CCDC171: variants seen among roughly 807,000 people sequenced by gnomAD.
CCDC171 encodes the protein coiled-coil domain-containing protein 171.
Under a neutral mutation model 168.2 loss-of-function variants are expected in CCDC171, and 177 were observed. That is an observed-to-expected ratio of 1.05 (90% CI 0.93 to 1.19). CCDC171 has a LOEUF of 1.19. Among genes scored for constraint, CCDC171 ranks in the 50% most tolerant of loss-of-function variants. The pLI, the probability that CCDC171 is intolerant of heterozygous loss-of-function variation, is 0.00. For missense variants in CCDC171, 1,991 were observed against 1,539.0 expected, an observed-to-expected ratio of 1.29 and a Z score of -4.91; for synonymous variants, 687 against 540.8, an observed-to-expected ratio of 1.27 and a Z score of -3.75.
At chr9:15,738,658 C>T (rs951712385) in intron 16 of CCDC171, among the ~76,000 whole-genome samples, 8 of 151,824 alleles carry the variant, frequency 5.3e-5, no homozygotes, top group South Asian at 2.1e-4. Flanking sequence ...ATAGCTGTTT[C>T]CACCCTTACA....
At chr9:15,811,070 G>A (rs2059335167) in intron 21 of CCDC171, among the ~76,000 whole-genome samples, 1 of 152,202 alleles carries the variant, frequency 6.6e-6, no homozygotes, top group Non-Finnish European at 1.5e-5. Flanking sequence ...GTACAGTGCT[G>A]GTCGAGAGGA....
chr9:15,707,733 T>G (rs944908168), intron 11 of CCDC171, among the ~76,000 whole-genome samples: 1 of 152,268 alleles, frequency 6.6e-6, no homozygotes, highest in African/African-American at 2.4e-5. Context: ...ATGACGGAAC[T>G]GAAACAATTC....
chr9:15,973,642 A>C lies in CCDC171; in HGVS notation c.*1806A>C, dbSNP rs1831531533. 6.6e-6 allele frequency: 1 copy of C among 152,148 alleles called. No individual in the cohort carries two copies. Among genetic ancestry groups the C allele is most frequent in the South Asian group, 2.1e-4 (1 of 4,824 alleles). The allele number at this position is 152,148 out of a possible 1,614,324, so 9.4% of individuals were successfully genotyped here. A position where few individuals can be genotyped will look rare whatever the true frequency, so the allele number is the denominator to read the frequency against. On this transcript the variant is annotated 3_prime_UTR_variant, in exon 26 of 26. Transcript: ENST00000380701. ...GACCTGTGTAACATGACCTGTATGA[A>C]ATTCAACTTGCAAATTTATTATAAC... is the stretch of plus-strand genomic sequence containing the variant.
chr9:15,627,831 G>A (rs180911296), intron 7 of CCDC171, among the ~76,000 whole-genome samples: 14 of 152,252 alleles, frequency 9.2e-5, no homozygotes, highest in Non-Finnish European at 1.9e-4. Context: ...ATGTCTATTA[G>A]GTCTGCTTGG....
chr9:15,812,143 G>A (rs574296872), intron 21 of CCDC171, among the ~76,000 whole-genome samples: 1 of 152,218 alleles, frequency 6.6e-6, no homozygotes, highest in Non-Finnish European at 1.5e-5. Context: ...TAAAAGGGAC[G>A]AGAGAGAGTC....
Position 15,744,354 on chromosome 9 carries a change from T to C in CCDC171, c.2131T>C (p.Ser711Pro). 1 of 1,614,024 alleles carries C rather than the reference T, an allele frequency of 6.2e-7. No individual in the cohort carries two copies. The highest frequency in any genetic ancestry group is 8.5e-7 in the Non-Finnish European group (1 of 1,179,966). Reference protein sequence around the residue: ...KSHEQLVLENSHFKKLLSQTQ... With the variant: ...KSHEQLVLENPHFKKLLSQTQ... ...ACATGAACAGTTGGTTCTTGAAAAT[T>C]CGCACTTCAAAAAACTGTTATCACA... Residue 711 changes from serine to proline, a missense_variant, in exon 17 of 26, where the codon TCG becomes CCG. By Grantham distance (74) the Ser-to-Pro change is moderately conservative. Coordinates refer to ENST00000380701, the MANE Select transcript of CCDC171 (RefSeq NM_173550.4).
At chr9:15,883,926 A>G (rs1819041299) in intron 24 of CCDC171, among the ~76,000 whole-genome samples, 2 of 152,248 alleles carry the variant, frequency 1.3e-5, no homozygotes. Context: ...AGGTTGAAGC[A>G]GTTATGCAAC....
chr9:15,619,545 A>T (rs1282293666), intron 6 of CCDC171, among the ~76,000 whole-genome samples: 1 of 152,188 alleles, frequency 6.6e-6, no homozygotes, highest in East Asian at 1.9e-4. Context: ...AGGAATTTGG[A>T]GAAGAAAAGT....
intron 18 of CCDC171, among the ~76,000 whole-genome samples, chr9:15,776,628 A>G (rs1324473588): frequency 6.6e-6 from 1 of 152,212 alleles, no homozygotes; most frequent in African/African-American, 2.4e-5. Flanking sequence ...ATGAAGCTCA[A>G]ATTTTATAAC....
intron 21 of CCDC171, among the ~76,000 whole-genome samples, chr9:15,810,118 G>A (rs1190096064): frequency 6.6e-6 from 1 of 150,840 alleles, no homozygotes; most frequent in African/African-American, 2.4e-5. Flanking sequence ...TACAATCCCT[G>A]AACTAGACAC....
chr9:15,992,824 T>C (rs904143002), intron 3 of CCDC171, among the ~76,000 whole-genome samples: 2 of 152,184 alleles, frequency 1.3e-5, no homozygotes, highest in Non-Finnish European at 2.9e-5. Flanking sequence ...AGCCAAATCA[T>C]GAGTGAACTC....
chr9:15,777,970 A>C (rs2057422169), intron 19 of CCDC171, 144 bp downstream of exon 19: 1 of 593,466 alleles, frequency 1.7e-6, no homozygotes, highest in East Asian at 3.0e-5. Flanking sequence ...AATACACTAA[A>C]TTACTTCCAA....
intron 2 of CCDC171, among the ~76,000 whole-genome samples, chr9:15,565,986 G>T (rs1006301789): frequency 6.6e-6 from 1 of 152,028 alleles, no homozygotes; most frequent in Non-Finnish European, 1.5e-5. Flanking sequence ...AATAATTGAG[G>T]GTTTTAATTT....
chr9:15,897,902 C>T (rs538511652), intron 24 of CCDC171, among the ~76,000 whole-genome samples: 1 of 152,158 alleles, frequency 6.6e-6, no homozygotes, highest in Non-Finnish European at 1.5e-5. Context: ...ATTGGACAGG[C>T]ATGGATTTGA....
intron 16 of CCDC171, among the ~76,000 whole-genome samples, chr9:15,742,807 TTTTTC>T (rs1446538011): frequency 1.3e-5 from 2 of 152,170 alleles, no homozygotes; most frequent in African/African-American, 4.8e-5. Flanking sequence ...AATACTTTTT[TTTTTC>T]TTTTTTAATA....
At chr9:15,582,724 T>C (rs1427368898) in intron 4 of CCDC171, among the ~76,000 whole-genome samples, 3 of 150,750 alleles carry the variant, frequency 2.0e-5, no homozygotes, top group Non-Finnish European at 4.4e-5. Flanking sequence ...TAAGTGGGAG[T>C]TGAACAGTGA....
chr9:15,916,754 T>G (rs1824582929), intron 24 of CCDC171, among the ~76,000 whole-genome samples: 1 of 152,082 alleles, frequency 6.6e-6, no homozygotes, highest in Non-Finnish European at 1.5e-5. Flanking sequence ...TGGATAGATG[T>G]GGAATTTTAT....
At chr9:15,942,686 C>G (rs1418901272) in intron 25 of CCDC171, among the ~76,000 whole-genome samples, 2 of 151,782 alleles carry the variant, frequency 1.3e-5, no homozygotes, top group Non-Finnish European at 2.9e-5. Context: ...AAAGAGAGTG[C>G]TTTGGGATAT....
intron 3 of CCDC171, among the ~76,000 whole-genome samples, chr9:16,006,478 C>G (rs963626700): frequency 6.6e-6 from 1 of 151,990 alleles, no homozygotes; most frequent in Non-Finnish European, 1.5e-5. Context: ...ATGTGCACAA[C>G]GTGCAGGTTT....
Sources: allele counts gnomAD v4.1 joint callset (sites outside exome capture counted in the v4.1 genomes callset), GRCh38; gene constraint gnomAD v4.1.1; transcripts MANE v1.5; gene names NCBI Gene and HGNC (gene_info 2026-07-23, HGNC 2026-07-21).